The following RGS12 variants were observed in gnomAD, a reference collection of about 807,000 sequenced individuals.
RGS12 encodes regulator of G protein signaling 12.
A neutral mutation model predicts 120.1 loss-of-function variants in RGS12; 66 were observed. That is an observed-to-expected ratio of 0.55 (90% confidence interval 0.45 to 0.67). RGS12 has a LOEUF of 0.67. Ranked by LOEUF, RGS12 falls within the 30% of genes least tolerant of loss-of-function variation. The pLI, the probability that RGS12 is intolerant of heterozygous loss-of-function variation, is 0.00. For synonymous variants in RGS12, 827 were observed against 804.7 expected (o/e 1.03, Z -0.47); for missense variants, 1,859 against 1,957.7 (o/e 0.95, Z 0.95).
chr4:3,350,142 A>T (rs1302850547), intron 3 of RGS12, among the ~76,000 whole-genome samples: 1 of 152,256 alleles, frequency 6.6e-6, no homozygotes, highest in Admixed American at 6.5e-5. Flanking sequence ...TTTTGCTGAT[A>T]ACACAGAAGA....
intron 1 of RGS12, among the ~76,000 whole-genome samples, chr4:3,304,915 T>C (rs969285132): frequency 2.0e-5 from 3 of 152,258 alleles, no homozygotes; most frequent in African/African-American, 7.2e-5. Flanking sequence ...TCAGGAGTCC[T>C]GCCTGGTGAG....
At chr4:3,406,777 A>T (rs149967841) in intron 4 of RGS12, among the ~76,000 whole-genome samples, 469 of 151,820 alleles carry the variant, frequency 3.1e-3, no homozygotes, top group Non-Finnish European at 5.4e-3. Flanking sequence ...TGGGTGTGGC[A>T]CCCCACCTCG....
intron 2 of RGS12, among the ~76,000 whole-genome samples, chr4:3,325,319 A>T (rs934530176): frequency 1.3e-5 from 2 of 152,216 alleles, no homozygotes; most frequent in African/African-American, 4.8e-5. Flanking sequence ...CATAATAGGG[A>T]TATGCTATGG....
chr4:3,289,374 T>G (rs1348286156), upstream of RGS12, among the ~76,000 whole-genome samples: 1 of 151,980 alleles, frequency 6.6e-6, no homozygotes, highest in East Asian at 1.9e-4. Flanking sequence ...AGCTAATTTT[T>G]TGTGTTTTTG....
intron 3 of RGS12, among the ~76,000 whole-genome samples, chr4:3,350,587 T>TG (rs1398926816): frequency 6.6e-6 from 1 of 151,912 alleles, no homozygotes; most frequent in African/African-American, 2.4e-5. Flanking sequence ...GAGGCTGAGG[T>TG]GGAAGGATCA....
chr4:3,380,084 C>T (rs571181379), intron 3 of RGS12, among the ~76,000 whole-genome samples: 5 of 152,342 alleles, frequency 3.3e-5, no homozygotes, highest in South Asian at 4.1e-4. Flanking sequence ...AGGATACAAT[C>T]GGATTACAGG....
chr4:3,427,948 G>A, intron 14 of RGS12, 142 bp from the exon 15 acceptor site: 1 of 794,792 alleles, frequency 1.3e-6, no homozygotes, highest in Non-Finnish European at 2.2e-6. Context: ...CTCCCCTCAG[G>A]GCTGTGCGTG....
chr4:3,343,865 G>C (rs1713519066), intron 3 of RGS12, among the ~76,000 whole-genome samples: 1 of 152,170 alleles, frequency 6.6e-6, no homozygotes, highest in African/African-American at 2.4e-5. Flanking sequence ...TCTTATTAAT[G>C]TCTTATTCTA....
intron 1 of RGS12, among the ~76,000 whole-genome samples, chr4:3,313,576 G>A (rs942208340): frequency 5.3e-5 from 8 of 152,280 alleles, no homozygotes; most frequent in Middle Eastern, 3.4e-3. Context: ...ATTCTCCTGC[G>A]TTTTCGGGGG....
chr4:3,416,056 G>A lies in RGS12; in HGVS notation c.2362G>A (p.Ala788Thr). The A allele has an allele frequency of 1.2e-6, 2 of 1,614,036 alleles. No homozygotes were observed. The highest frequency in any genetic ancestry group is 1.7e-6 in the Non-Finnish European group (2 of 1,180,012). The change falls in exon 7 of 18, where the codon GCC (alanine) becomes ACC (threonine). Residue 788 changes from alanine to threonine, a missense_variant. Physicochemically the swap from Ala to Thr is moderately conservative, Grantham distance 58 (BLOSUM62 0). Around this residue, in one of 3 missense-constraint regions of RGS12, gnomAD observed 375 missense variants for 475.0 expected, o/e 0.79. Coordinates refer to ENST00000336727, the MANE Select transcript of RGS12 (RefSeq NM_001394154.1). ...CACCCCGGTCAACATCGACAGCCAG[G>A]CCCAGCTAGCAGACGACGTCCTCCG... ...ATTPVNIDSQ[A>T]QLADDVLRAP...
At position 3,423,608 on chromosome 4, in the gene RGS12, C is replaced by T. The variant is rs199995862; in HGVS notation, c.3201C>T (p.Tyr1067=). The change falls in exon 13 of 18, where the codon TAC becomes TAT. Residue 1067 remains tyrosine, a synonymous_variant. Transcript: ENST00000336727. ...TGCTGCGGCCCGTGGTGGCCAGATA[C>T]GGCCTGGACCTCAGTGGCCTGCTGG... ...TEVLRPVVAR[Y]GLDLSGLLVR... is the part of the protein sequence containing the mutation. 59 of 1,611,236 alleles carry T rather than the reference C, an allele frequency of 3.7e-5. No homozygotes were observed. The highest frequency in any genetic ancestry group is 1.6e-4 in the East Asian group (7 of 44,876).
At chr4:3,348,560 G>A (rs1450944363) in intron 3 of RGS12, among the ~76,000 whole-genome samples, 2 of 152,204 alleles carry the variant, frequency 1.3e-5, no homozygotes, top group African/African-American at 4.8e-5. Context: ...ATGTCAATGT[G>A]ACAGTTAGTG....
At chr4:3,302,778 T>G (rs568133079) in intron 1 of RGS12, among the ~76,000 whole-genome samples, 2 of 151,984 alleles carry the variant, frequency 1.3e-5, no homozygotes, top group African/African-American at 2.4e-5. Context: ...GGAGGAGTCA[T>G]TGGGGGCCTC....
rs1371593163 is a variant in RGS12, at chr4:3,423,604, G to C, written c.3197G>C (p.Arg1066Thr). 3 of 1,611,500 alleles carry C rather than the reference G, an allele frequency of 1.9e-6. No homozygotes were observed. In the African/African-American group the frequency reaches 4.0e-5, roughly 22 times the overall value. ...VTEVLRPVVA[R>T]YGLDLSGLLV... ...GAGGTGCTGCGGCCCGTGGTGGCCA[G>C]ATACGGCCTGGACCTCAGTGGCCTG... The change falls in exon 13 of 18, where the codon AGA (arginine) becomes ACA (threonine). Residue 1066 changes from arginine (R) to threonine (T), a missense_variant. Coordinates refer to ENST00000336727, the MANE Select transcript of RGS12 (RefSeq NM_001394154.1).
upstream of RGS12, among the ~76,000 whole-genome samples, chr4:3,291,715 T>C (rs1723032532): frequency 6.6e-6 from 1 of 152,098 alleles, no homozygotes; most frequent in Admixed American, 6.5e-5. Flanking sequence ...TCGCAGCTCC[T>C]GTTAAGTATC....
At chr4:3,354,508 A>G (rs1219842294) in intron 3 of RGS12, among the ~76,000 whole-genome samples, 1 of 152,214 alleles carries the variant, frequency 6.6e-6, no homozygotes. Context: ...CCTGGGCATT[A>G]CATGTGCTGG....
Position 3,317,058 on chromosome 4 carries a change from C to G in RGS12, c.888C>G (p.Ala296=). The change falls in exon 2 of 18, where the codon GCC becomes GCG. Residue 296 remains alanine, a synonymous_variant. Transcript: ENST00000336727. The part of the protein sequence containing the change: ...DKAGVVAEYP[A]EKLAFSAVCP... ...CTGGAGTCGTGGCCGAGTACCCGGCCGAGAAGCTGGCCTTCAGCGCCGTGT... is the reference window on the plus strand; with the variant it reads ...CTGGAGTCGTGGCCGAGTACCCGGCGGAGAAGCTGGCCTTCAGCGCCGTGT... 1 of 1,613,610 alleles carries G rather than the reference C, an allele frequency of 6.2e-7. No homozygotes were observed. Among genetic ancestry groups the G allele is most frequent in the South Asian group, 1.1e-5 (1 of 91,076 alleles).
At chr4:3,370,541 C>T (rs556381070) in intron 3 of RGS12, among the ~76,000 whole-genome samples, 9 of 152,366 alleles carry the variant, frequency 5.9e-5, no homozygotes, top group Admixed American at 3.3e-4. Flanking sequence ...CCGACACACC[C>T]GGCCGCCGGC....
At position 3,420,633 on chromosome 4, in the gene RGS12, CCT is replaced by C. The variant is rs766157916; in HGVS notation, c.2762-8_2762-7del. The C allele has an allele frequency of 7.4e-6, 12 of 1,613,346 alleles. No homozygotes were observed. The East Asian group carries it at 2.2e-4, about 30-fold the overall frequency. ...GATTGACGTGAGTCACTGTGTTTCC[CCT>C]GTCAAGACGCCCTGCATGCCAATGG... is the stretch of plus-strand genomic sequence containing the variant. On this transcript the variant is annotated splice_polypyrimidine_tract_variant and splice_region_variant and intron_variant, in intron 9 of 17. Transcript: ENST00000336727.
Sources: gnomAD v4.1 joint callset for allele counts (sites outside exome capture counted in the v4.1 genomes callset) on GRCh38, gnomAD v4.1.1 for gene constraint, gnomAD v4.1.1 regional missense constraint, MANE v1.5 for transcripts, NCBI Gene and HGNC (gene_info 2026-07-23, HGNC 2026-07-21) for gene names.